COPB1: variants seen among roughly 807,000 people sequenced by gnomAD.
COPB1 encodes coatomer subunit beta.
A neutral mutation model predicts 108.7 loss-of-function variants in COPB1; 21 were observed. The observed-to-expected ratio is 0.19, with a 90% CI of 0.14 to 0.28. The LOEUF (loss-of-function observed/expected upper bound fraction) is 0.28. Ranked by LOEUF, COPB1 falls within the 10% of genes least tolerant of loss-of-function variation. The probability of loss-of-function intolerance (pLI) is 1.00; values close to 1 mark genes in which losing one functional copy is unlikely to be tolerated. For missense variants in COPB1, 919 were observed against 1,141.3 expected (o/e 0.81, Z 2.81); for synonymous variants, 378 against 386.8 (o/e 0.98, Z 0.27).
chr11:14,475,085 C>A (rs1439407110), intron 13 of COPB1, among the ~76,000 whole-genome samples: 3 of 95,452 alleles, frequency 3.1e-5, no homozygotes, highest in Admixed American at 1.6e-4. Context: ...CAGAGCAAGA[C>A]TCTGTGTCAA....
rs147940792 is a variant in COPB1, at chr11:14,469,480, A to G, written c.1821T>C (p.Asp607=). The change falls in exon 15 of 22, where the codon GAT becomes GAC. Residue 607 remains aspartate, a synonymous_variant. Coordinates refer to ENST00000439561, the MANE Select transcript of COPB1 (RefSeq NM_001144061.2). The part of the protein sequence containing the change: ...KSSLPKKPIT[D]DDVDRISLCL... ...ACAGGGAAATTCGATCCACATCATC[A>G]TCAGTAATTGGCTTCTTAGGAAGAG... 1.6e-4 allele frequency: 251 copies of G among 1,614,216 alleles called. No individual in the cohort carries two copies. The highest frequency in any genetic ancestry group is 1.1e-3 in the African/African-American group (85 of 75,066).
intron 2 of COPB1, among the ~76,000 whole-genome samples, chr11:14,496,280 C>T (rs1449943357): frequency 6.6e-6 from 1 of 151,406 alleles, no homozygotes; most frequent in South Asian, 2.1e-4. Context: ...TTTTTCTTGA[C>T]AGAATCACTC....
At chr11:14,495,386 TA>T (rs1278643948) in intron 2 of COPB1, among the ~76,000 whole-genome samples, 1 of 152,202 alleles carries the variant, frequency 6.6e-6, no homozygotes, top group Non-Finnish European at 1.5e-5. Context: ...TAATGGGTAG[TA>T]GTTACCGGGA....
Position 14,458,619 on chromosome 11 carries a change from T to G in COPB1, c.2715A>C (p.Ala905=). ...GCTTCTCAATGCTGACATTTGCAAG[T>G]GCATCTTCACCAAATATGGAACGAG... is the stretch of plus-strand genomic sequence containing the variant. ...LYARSIFGED[A]LANVSIEKPI... is the part of the protein sequence containing the mutation. The change falls in exon 21 of 22, where the codon GCA becomes GCC. Residue 905 remains alanine, a synonymous_variant. Transcript: ENST00000439561. The G allele has an allele frequency of 6.2e-7, 1 of 1,614,014 alleles. No individual in the cohort carries two copies. Among genetic ancestry groups the G allele is most frequent in the Non-Finnish European group, 8.5e-7 (1 of 1,179,986 alleles).
In COPB1 at chr11:14,481,105, A is replaced by G; in HGVS notation, c.958-8T>C. 4 of 1,596,480 alleles carry G rather than the reference A, an allele frequency of 2.5e-6. No homozygotes were observed. Among genetic ancestry groups the G allele is most frequent in the Non-Finnish European group, 3.4e-6 (4 of 1,172,480 alleles). Reference sequence around the variant, plus strand: ...GATATCCATAACCAGATCCTAAAAAAGAAGAAAAAATCAAGAATTAACACC... The same window carrying G: ...GATATCCATAACCAGATCCTAAAAAGGAAGAAAAAATCAAGAATTAACACC... On this transcript the variant is annotated splice_region_variant and splice_polypyrimidine_tract_variant and intron_variant, in intron 8 of 21. Transcript: ENST00000439561.
At chr11:14,471,070 C>G (rs1044724856) in intron 14 of COPB1, among the ~76,000 whole-genome samples, 1 of 151,988 alleles carries the variant, frequency 6.6e-6, no homozygotes, top group African/African-American at 2.4e-5. Context: ...GAATCCTATA[C>G]CCACAAAGGT....
chr11:14,473,629 G>A (rs549278778), intron 14 of COPB1, among the ~76,000 whole-genome samples: 2 of 152,100 alleles, frequency 1.3e-5, no homozygotes, highest in South Asian at 4.2e-4. Context: ...ATATGGGAAT[G>A]GTTCCTGGCA....
intron 7 of COPB1, among the ~76,000 whole-genome samples, chr11:14,484,238 G>A (rs1014005065): frequency 2.0e-5 from 3 of 152,212 alleles, no homozygotes; most frequent in African/African-American, 7.2e-5. Context: ...TATGACCACT[G>A]CATACAATAT....
intron 14 of COPB1, among the ~76,000 whole-genome samples, chr11:14,470,942 A>ACT (rs1251220260): frequency 1.5e-3 from 130 of 87,056 alleles, no homozygotes; most frequent in Non-Finnish European, 2.0e-3. Flanking sequence ...ACACACACAC[A>ACT]CACTCTCTCT....
At chr11:14,476,762 CTTTTT>C (rs10612229) in intron 12 of COPB1, among the ~76,000 whole-genome samples, 152 bp downstream of exon 12, 4 of 131,022 alleles carry the variant, frequency 3.1e-5, no homozygotes, top group Non-Finnish European at 6.5e-5. Flanking sequence ...GCTACTGCTT[CTTTTT>C]TTTTTTTTTT....
chr11:14,474,105 G>T (rs1850466393), intron 14 of COPB1: 1 of 160,690 alleles, frequency 6.2e-6, no homozygotes, highest in African/African-American at 2.4e-5. Flanking sequence ...ATGAACTACA[G>T]ATGAGAATAA....
chr11:14,484,515 C>T (rs190082633), intron 7 of COPB1, among the ~76,000 whole-genome samples: 6 of 152,082 alleles, frequency 3.9e-5, no homozygotes, highest in African/African-American at 1.2e-4. Flanking sequence ...GTCAGGAGAT[C>T]GAGACCATTC....
chr11:14,462,228 CT>C (rs1457145449), intron 18 of COPB1, among the ~76,000 whole-genome samples: 1 of 145,028 alleles, frequency 6.9e-6, no homozygotes, highest in African/African-American at 2.5e-5. Context: ...AGGCTCTTTT[CT>C]TTTCTTTTTT....
intron 4 of COPB1, among the ~76,000 whole-genome samples, chr11:14,492,501 G>A (rs1284620303): frequency 6.6e-6 from 1 of 151,958 alleles, no homozygotes; most frequent in East Asian, 1.9e-4. Context: ...GTGCCACCAC[G>A]CCCAGCTAAT....
intron 14 of COPB1, among the ~76,000 whole-genome samples, chr11:14,469,963 A>C (rs1850365955): frequency 6.6e-6 from 1 of 152,140 alleles, no homozygotes; most frequent in South Asian, 2.1e-4. Context: ...TTTTTGGCTG[A>C]CATGTGAAAA....
chr11:14,473,275 T>C (rs1193807468), intron 14 of COPB1, among the ~76,000 whole-genome samples: 1 of 152,212 alleles, frequency 6.6e-6, no homozygotes, highest in East Asian at 1.9e-4. Context: ...AATGTTTCAC[T>C]TTCTTATCAT....
chr11:14,482,012 G>A (rs1384189917), intron 8 of COPB1, among the ~76,000 whole-genome samples: 1 of 151,946 alleles, frequency 6.6e-6, no homozygotes, highest in Non-Finnish European at 1.5e-5. Context: ...GGGTGGTCTC[G>A]AACTCCTGAC....
intron 2 of COPB1, among the ~76,000 whole-genome samples, chr11:14,495,440 T>C (rs757691081): frequency 6.6e-6 from 1 of 152,246 alleles, no homozygotes; most frequent in Non-Finnish European, 1.5e-5. Context: ...TTCTAATGAT[T>C]AGAGCTAAGC....
intron 6 of COPB1, among the ~76,000 whole-genome samples, chr11:14,488,261 G>C (rs1359444239): frequency 6.6e-6 from 1 of 152,160 alleles, no homozygotes; most frequent in Admixed American, 6.5e-5. Context: ...CTCAAGCCAT[G>C]AATTTTTATC....
Sources: gnomAD v4.1 joint callset for allele counts (sites outside exome capture counted in the v4.1 genomes callset) on GRCh38, gnomAD v4.1.1 for gene constraint, MANE v1.5 for transcripts, NCBI Gene and HGNC (gene_info 2026-07-23, HGNC 2026-07-21) for gene names.